The following HCRTR2 variants were observed in gnomAD, a reference collection of about 807,000 sequenced individuals.
HCRTR2 encodes the protein orexin receptor type 2.
HCRTR2 carries 22 observed loss-of-function variants against 49.0 expected under a neutral mutation model. The ratio of observed to expected loss-of-function variants is 0.45; its 90% CI spans 0.32 to 0.64. The LOEUF is 0.64. Among genes scored for constraint, HCRTR2 ranks in the 30% least tolerant of loss-of-function variants. The probability of loss-of-function intolerance (pLI) is 0.04; values close to 1 mark genes in which losing one functional copy is unlikely to be tolerated. For synonymous variants in HCRTR2, 236 were observed against 205.3 expected (o/e 1.15, Z -1.28); for missense variants, 491 against 559.4 (o/e 0.88, Z 1.23).
intron 3 of HCRTR2, among the ~76,000 whole-genome samples, chr6:55,261,039 A>G (rs1468752001): frequency 6.6e-6 from 1 of 152,232 alleles, no homozygotes; most frequent in Non-Finnish European, 1.5e-5. Flanking sequence ...TAAATTTTAG[A>G]AGAAAAACAA....
chr6:55,280,007 T>C (rs2292041), intron 5 of HCRTR2, among the ~76,000 whole-genome samples: 1 of 152,196 alleles, frequency 6.6e-6, no homozygotes, highest in East Asian at 1.9e-4. Flanking sequence ...TTCAATTGTA[T>C]TTAGAAAGAA....
chr6:55,274,150 A>G (rs530998824), intron 4 of HCRTR2, among the ~76,000 whole-genome samples: 1 of 150,494 alleles, frequency 6.6e-6, no homozygotes, highest in Non-Finnish European at 1.5e-5. Flanking sequence ...TGCCATATTA[A>G]CAATACTAAG....
chr6:55,233,057 C>T (rs1326841339), intron 1 of HCRTR2, among the ~76,000 whole-genome samples: 3 of 150,014 alleles, frequency 2.0e-5, no homozygotes, highest in Non-Finnish European at 3.0e-5. Context: ...GGAAAAGTGA[C>T]AGACAAAAAA....
chr6:55,215,263 A>G (rs1186139770), intron 1 of HCRTR2, among the ~76,000 whole-genome samples: 1 of 152,214 alleles, frequency 6.6e-6, no homozygotes, highest in Non-Finnish European at 1.5e-5. Context: ...TGCAAAACAG[A>G]AATAAGTGGG....
intron 3 of HCRTR2, among the ~76,000 whole-genome samples, chr6:55,262,281 A>T (rs924377631): frequency 6.8e-6 from 1 of 146,848 alleles, no homozygotes; most frequent in African/African-American, 2.5e-5. Flanking sequence ...AAAAAAATAC[A>T]TACATACAAA....
At chr6:55,267,700 C>T (rs552755587) in intron 4 of HCRTR2, among the ~76,000 whole-genome samples, 5 of 152,062 alleles carry the variant, frequency 3.3e-5, no homozygotes, top group Non-Finnish European at 7.4e-5. Flanking sequence ...CTTTTCAGGG[C>T]CTTTGAAAGA....
intron 1 of HCRTR2, among the ~76,000 whole-genome samples, chr6:55,198,854 T>A (rs1765462796): frequency 6.6e-6 from 1 of 152,230 alleles, no homozygotes; most frequent in South Asian, 2.1e-4. Context: ...ATCCAATCTG[T>A]CACTCACTCC....
intron 1 of HCRTR2, among the ~76,000 whole-genome samples, chr6:55,115,306 G>C (rs772384582): frequency 9.2e-5 from 14 of 151,628 alleles, no homozygotes; most frequent in Non-Finnish European, 3.0e-5. Context: ...CTCAATCCTA[G>C]AGATTCAGAG....
chr6:55,229,454 T>C (rs189350881), intron 1 of HCRTR2, among the ~76,000 whole-genome samples: 1 of 152,220 alleles, frequency 6.6e-6, no homozygotes, highest in Non-Finnish European at 1.5e-5. Flanking sequence ...CACTCTCACA[T>C]TCATTGCAGT....
chr6:55,176,660 G>T (rs1202533670), intron 1 of HCRTR2, among the ~76,000 whole-genome samples: 6 of 152,164 alleles, frequency 3.9e-5, no homozygotes, highest in Admixed American at 3.3e-4. Context: ...GACGTATTAA[G>T]GGACATAATT....
intron 1 of HCRTR2, among the ~76,000 whole-genome samples, chr6:55,190,085 A>G (rs1379584677): frequency 6.6e-6 from 1 of 152,044 alleles, no homozygotes; most frequent in Admixed American, 6.5e-5. Flanking sequence ...AATGTTTTAG[A>G]AAATGTCTTC....
chr6:55,243,549 C>A (rs1766374149), intron 1 of HCRTR2, among the ~76,000 whole-genome samples: 1 of 152,274 alleles, frequency 6.6e-6, no homozygotes, highest in East Asian at 1.9e-4. Context: ...TCTGTTTAGA[C>A]TTTGTGCCTT....
At position 55,139,147 on chromosome 6, in the gene HCRTR2, G is replaced by A. The variant is rs560910088; in HGVS notation, c.-378+32602G>A. ...GAAGTAAATGTGGCTATCCTAGGGT[G>A]AGGAAGTTAAAGAAGGGTTCCAAAC... is the stretch of plus-strand genomic sequence containing the variant. On this transcript the variant is annotated intron_variant, in intron 1 of 7. Transcript: ENST00000615358. Among the ~76,000 whole-genome samples the A allele has an allele frequency of 4.6e-5, 7 of 152,286 alleles. No homozygotes were observed. In the East Asian group the frequency reaches 1.2e-3, roughly 25 times the overall value.
intron 5 of HCRTR2, 48 bp from the exon 6 acceptor site, chr6:55,280,275 G>T: frequency 7.9e-7 from 1 of 1,264,448 alleles, no homozygotes; most frequent in South Asian, 1.2e-5. Flanking sequence ...GTTCACCTTT[G>T]AATTTAATTA....
At chr6:55,107,862 T>A (rs527524651) in intron 1 of HCRTR2, among the ~76,000 whole-genome samples, 2 of 152,290 alleles carry the variant, frequency 1.3e-5, no homozygotes, top group African/African-American at 4.8e-5. Context: ...TCTGGAAGTA[T>A]GCTATGACTA....
intron 1 of HCRTR2, among the ~76,000 whole-genome samples, chr6:55,123,408 G>C (rs1251945485): frequency 6.6e-6 from 1 of 152,070 alleles, no homozygotes. Context: ...CATTGATTCT[G>C]TTTATGTGAT....
At chr6:55,234,725 C>T (rs1581846176) in intron 1 of HCRTR2, among the ~76,000 whole-genome samples, 1 of 152,110 alleles carries the variant, frequency 6.6e-6, no homozygotes, top group Non-Finnish European at 1.5e-5. Flanking sequence ...AGCTAGGACA[C>T]TCATACCAGC....
chr6:55,259,026 G>A (rs1338707631), intron 3 of HCRTR2, among the ~76,000 whole-genome samples: 1 of 152,110 alleles, frequency 6.6e-6, no homozygotes, highest in East Asian at 1.9e-4. Flanking sequence ...ACTCCAGCCT[G>A]GGCAAAAGAG....
chr6:55,238,966 A>G (rs1259306870), intron 1 of HCRTR2, among the ~76,000 whole-genome samples: 1 of 152,166 alleles, frequency 6.6e-6, no homozygotes, highest in East Asian at 1.9e-4. Flanking sequence ...AGGGTCAAAG[A>G]GAAGGACTGA....
Sources: gnomAD v4.1 joint callset for allele counts (sites outside exome capture counted in the v4.1 genomes callset) on GRCh38, gnomAD v4.1.1 for gene constraint, MANE v1.5 for transcripts, NCBI Gene and HGNC (gene_info 2026-07-23, HGNC 2026-07-21) for gene names.